Variants in ETV1 observed in about 807,000 individuals in gnomAD.
ETV1 encodes ETS variant transcription factor 1.
ETV1 carries 27 observed loss-of-function variants against 62.3 expected under a neutral mutation model. The ratio of observed to expected loss-of-function variants is 0.43; its 90% confidence interval spans 0.32 to 0.60. The LOEUF (loss-of-function observed/expected upper bound fraction) is 0.60, where lower values mean the gene tolerates loss of function less well. ETV1 is among the 20% of genes least tolerant of loss of function. The pLI is 0.06. For synonymous variants in ETV1, 222 were observed against 199.6 expected (o/e 1.11, Z -0.94); for missense variants, 605 against 605.8 (o/e 1.00, Z 0.01).
intron 9 of ETV1, among the ~76,000 whole-genome samples, chr7:13,915,869 A>C (rs192935925): frequency 2.4e-4 from 36 of 152,348 alleles, no homozygotes; most frequent in Middle Eastern, 3.4e-3. Context: ...GAATGATAGC[A>C]AAAAAGTCAA....
At chr7:13,977,185 A>C (rs1415527975) in intron 6 of ETV1, among the ~76,000 whole-genome samples, 1 of 152,224 alleles carries the variant, frequency 6.6e-6, no homozygotes, top group Admixed American at 6.5e-5. Flanking sequence ...CAATCAACTC[A>C]GTCTTCCTTG....
chr7:13,931,177 A>G (rs1786100300), intron 9 of ETV1, among the ~76,000 whole-genome samples: 1 of 152,182 alleles, frequency 6.6e-6, no homozygotes. Context: ...GCACTGTAGT[A>G]GCAAAATAAG....
intron 8 of ETV1, among the ~76,000 whole-genome samples, chr7:13,934,222 G>A (rs1008030329): frequency 2.0e-5 from 3 of 152,098 alleles, no homozygotes; most frequent in Non-Finnish European, 4.4e-5. Context: ...AAGGCTACAG[G>A]GTGAGAAGAA....
At chr7:13,922,745 C>A (rs1445540461) in intron 9 of ETV1, among the ~76,000 whole-genome samples, 1 of 152,168 alleles carries the variant, frequency 6.6e-6, no homozygotes, top group Non-Finnish European at 1.5e-5. Context: ...TTTCTACTCC[C>A]TGTGTTCCAT....
At chr7:13,920,407 T>C (rs971139457) in intron 9 of ETV1, among the ~76,000 whole-genome samples, 1 of 151,884 alleles carries the variant, frequency 6.6e-6, no homozygotes, top group Non-Finnish European at 1.5e-5. Context: ...ACCCTTCAGC[T>C]CTGTATAAAT....
chr7:13,958,452 A>G (rs183826335), intron 6 of ETV1, among the ~76,000 whole-genome samples: 1 of 152,300 alleles, frequency 6.6e-6, no homozygotes, highest in East Asian at 1.9e-4. Flanking sequence ...GTCCCAACTT[A>G]ATAGGCCCTC....
At chr7:13,961,452 A>G (rs1251540729) in intron 6 of ETV1, among the ~76,000 whole-genome samples, 3 of 152,206 alleles carry the variant, frequency 2.0e-5, no homozygotes, top group Admixed American at 6.5e-5. Context: ...AGCAATGATC[A>G]TAAAATTAGC....
chr7:13,895,796 T>A lies in ETV1; in HGVS notation c.*70A>T, dbSNP rs1781710059. The A allele has an allele frequency of 1.0e-6, 1 of 970,524 alleles. No homozygotes were observed. Among genetic ancestry groups the A allele is most frequent in the East Asian group, 2.6e-5 (1 of 38,542 alleles). The allele number at this position is 970,524 out of a possible 1,614,324, so 60.1% of individuals were successfully genotyped here. On this transcript the variant is annotated 3_prime_UTR_variant, in exon 14 of 14. Coordinates refer to ENST00000430479, the MANE Select transcript of ETV1 (RefSeq NM_004956.5). ...ACAAACAACAGAAATAAAACAAAGA[T>A]TCAGCAATTCTCTGTATCTTGCAGA...
chr7:13,923,158 T>C (rs1468091771), intron 9 of ETV1, among the ~76,000 whole-genome samples: 1 of 152,188 alleles, frequency 6.6e-6, no homozygotes, highest in Non-Finnish European at 1.5e-5. Flanking sequence ...TATAAAACAC[T>C]ACACATTTAT....
rs1206183824 is a variant in ETV1, at chr7:13,935,158, G to A, written c.554+550C>T. ...CTCCTTTCTAAGTAATACTAATTGAGTCTCTATCTCTTTAATTGTATATTC... is the reference window on the plus strand; with the variant it reads ...CTCCTTTCTAAGTAATACTAATTGAATCTCTATCTCTTTAATTGTATATTC... On this transcript the variant is annotated intron_variant, in intron 8 of 13. Coordinates refer to ENST00000430479, the MANE Select transcript of ETV1 (RefSeq NM_004956.5). Among the ~76,000 whole-genome samples the A allele has an allele frequency of 2.6e-5, 4 of 152,054 alleles. No homozygotes were observed. The South Asian group carries it at 8.3e-4, about 32-fold the overall frequency.
chr7:13,944,537 T>A (rs890854328), intron 6 of ETV1, among the ~76,000 whole-genome samples: 8 of 151,248 alleles, frequency 5.3e-5, no homozygotes, highest in South Asian at 2.1e-4. Context: ...AGTTTCAATA[T>A]CCGAATTTGC....
At position 13,891,423 on chromosome 7, in the gene ETV1, C is replaced by CA. The variant is rs1781377598; in HGVS notation, c.*4442dup. The CA allele has an allele frequency of 4.3e-6, 1 of 230,882 alleles. No homozygotes were observed. The highest frequency in any genetic ancestry group is 2.2e-5 in the African/African-American group (1 of 45,168). The allele number at this position is 230,882 out of a possible 1,614,324, so 14.3% of individuals were successfully genotyped here. A position where few individuals can be genotyped will look rare whatever the true frequency, so the allele number is the denominator to read the frequency against. Reference sequence around the variant, plus strand: ...AGTAACTAATACTGGAGTCTATATGCAAAAAAGACCCTACCTTACATATGA... The same window carrying CA: ...AGTAACTAATACTGGAGTCTATATGCAAAAAAAGACCCTACCTTACATATGA... On this transcript the variant is annotated 3_prime_UTR_variant, in exon 14 of 14. Transcript: ENST00000430479.
At chr7:13,921,119 A>C (rs899418642) in intron 9 of ETV1, among the ~76,000 whole-genome samples, 1 of 152,172 alleles carries the variant, frequency 6.6e-6, no homozygotes, top group Non-Finnish European at 1.5e-5. Flanking sequence ...CCTACACTTG[A>C]ATTTCTTTAA....
At chr7:13,986,859 T>C (rs574574010) in intron 4 of ETV1, 174 bp from the exon 5 acceptor site, 1 of 570,860 alleles carries the variant, frequency 1.8e-6, no homozygotes, top group Admixed American at 3.6e-5. Flanking sequence ...ACTGCCTACT[T>C]TTCATGCCTA....
intron 9 of ETV1, among the ~76,000 whole-genome samples, chr7:13,919,834 T>C (rs1784625212): frequency 1.3e-5 from 2 of 152,036 alleles, no homozygotes; most frequent in Admixed American, 6.6e-5. Context: ...ATGTTATATG[T>C]TCCCTTCTTT....
At chr7:13,985,952 A>G (rs1020420909) in intron 5 of ETV1, among the ~76,000 whole-genome samples, 7 of 152,228 alleles carry the variant, frequency 4.6e-5, no homozygotes, top group Non-Finnish European at 1.0e-4. Context: ...ATGCCTTTAA[A>G]TGTATCCTTG....
At chr7:13,931,351 C>T (rs1421673040) in intron 9 of ETV1, 151 bp downstream of exon 9, 3 of 766,394 alleles carry the variant, frequency 3.9e-6, no homozygotes, top group Non-Finnish European at 4.1e-6. Context: ...CAAATCTTTA[C>T]ACGTAGATGA....
At chr7:13,951,318 C>T (rs2282873) in intron 6 of ETV1, among the ~76,000 whole-genome samples, 76,425 of 151,982 alleles carry the variant, frequency 0.5, 19,332 homozygotes, top group Admixed American at 0.54. Context: ...AGTGGCAAAG[C>T]TAGCAGGCAC....
chr7:13,932,449 G>A (rs999889685), intron 8 of ETV1, among the ~76,000 whole-genome samples: 1 of 152,170 alleles, frequency 6.6e-6, no homozygotes, highest in Non-Finnish European at 1.5e-5. Flanking sequence ...ACAGTATCAG[G>A]TTGATAAAAA....
Sources: allele counts gnomAD v4.1 joint callset (sites outside exome capture counted in the v4.1 genomes callset), GRCh38; gene constraint gnomAD v4.1.1; transcripts MANE v1.5; gene names NCBI Gene and HGNC (gene_info 2026-07-23, HGNC 2026-07-21).